CDK11A: variants seen among roughly 807,000 people sequenced by gnomAD.
CDK11A encodes the protein cyclin dependent kinase 11A, also known as cyclin-dependent kinase 11A.
In CDK11A, 55 loss-of-function variants were observed where a neutral mutation model predicts 83.6. The observed-to-expected ratio is 0.66, with a 90% confidence interval of 0.53 to 0.82. The LOEUF (loss-of-function observed/expected upper bound fraction) is 0.82. Ranked by LOEUF, CDK11A falls within the 40% of genes least tolerant of loss-of-function variation. The pLI is 0.00. For missense variants in CDK11A, 564 were observed against 810.1 expected (o/e 0.70, Z 3.69); for synonymous variants, 247 against 302.7 (o/e 0.82, Z 1.91).
At chr1:1,721,993 T>A in intron 2 of CDK11A, 1 of 284,758 alleles carries the variant, frequency 3.5e-6, no homozygotes, top group Non-Finnish European at 6.8e-6. Flanking sequence ...CTACTAAAAA[T>A]ACAAAAAATT....
rs769000712 is a variant in CDK11A, at chr1:1,716,326, A to C, written c.488+20T>G. On this transcript the variant is annotated intron_variant, in intron 5 of 19. Transcript: ENST00000404249. ...ACCACGGCCCTTTCATAAAGTCCTCAACTGACCCAGCCCACTCACCTTTCT... is the reference window on the plus strand; with the variant it reads ...ACCACGGCCCTTTCATAAAGTCCTCCACTGACCCAGCCCACTCACCTTTCT... 2 of 1,607,082 alleles carry C rather than the reference A, an allele frequency of 1.2e-6. No individual in the cohort carries two copies. The highest frequency in any genetic ancestry group is 2.2e-5 in the South Asian group (2 of 90,640).
chr1:1,720,786 C>T lies in CDK11A; in HGVS notation c.227+810G>A, dbSNP rs1490064742. ...GGCTCACTGCAACCTTTGCCTCCCA[C>T]ATTCAAGCAATTCTCCTGCCTCAGC... On this transcript the variant is annotated intron_variant, in intron 3 of 19. Transcript: ENST00000404249. Among the ~76,000 whole-genome samples, 7 of 146,084 alleles carry T rather than the reference C, an allele frequency of 4.8e-5. 1 individual carries two copies. Among genetic ancestry groups the T allele is most frequent in the East Asian group, 2.1e-4 (1 of 4,818 alleles).
At chr1:1,719,677 G>A (rs1373083314) in intron 3 of CDK11A, among the ~76,000 whole-genome samples, 3 of 134,896 alleles carry the variant, frequency 2.2e-5, no homozygotes, top group East Asian at 2.2e-4. Context: ...GTGTAGACAC[G>A]CGATCTCGGA....
rs558327955 is a variant in CDK11A at position 1,705,169 on chromosome 1, G to T, written c.1337-144C>A. The T allele has an allele frequency of 1.7e-4, 223 of 1,287,616 alleles. 13 individuals carry two copies. In the East Asian group the frequency reaches 5.0e-3, roughly 29 times the overall value. The allele number at this position is 1,287,616 out of a possible 1,614,324, so 79.8% of individuals were successfully genotyped here. A position where few individuals can be genotyped will look rare whatever the true frequency, so the allele number is the denominator to read the frequency against. ...TCTCGTTCTAGGTGGGGGCACGTGG[G>T]CACCAGGAGAACGCCCCAGCTGAGG... is the stretch of plus-strand genomic sequence containing the variant. On this transcript the variant is annotated intron_variant, in intron 12 of 19. Coordinates refer to ENST00000404249, the MANE Select transcript of CDK11A (RefSeq NM_024011.4).
rs1336369850 is a variant in CDK11A at position 1,716,446 on chromosome 1, C to T, written c.388G>A (p.Glu130Lys). The change falls in exon 5 of 20, where the codon GAA (glutamate) becomes AAA (lysine). Residue 130 changes from glutamate to lysine, a missense_variant. Transcript: ENST00000404249. Reference sequence around the variant, plus strand: ...TCTTCTCGATGTCGTTTCCGACGTTCGTGCTCTCTTTCTTTCACTCTAGCA... The same window carrying T: ...TCTTCTCGATGTCGTTTCCGACGTTTGTGCTCTCTTTCTTTCACTCTAGCA... ...KHARVKEREHERRKRHREEQD... is the reference protein window; with the variant it reads ...KHARVKEREHKRRKRHREEQD... The T allele has an allele frequency of 6.2e-6, 10 of 1,608,594 alleles. No homozygotes were observed. Among genetic ancestry groups the T allele is most frequent in the Admixed American group, 1.7e-5 (1 of 59,732 alleles).
At chr1:1,718,271 G>C (rs1389417431) in intron 4 of CDK11A, among the ~76,000 whole-genome samples, 1 of 143,680 alleles carries the variant, frequency 7.0e-6, no homozygotes, top group Admixed American at 7.0e-5. Flanking sequence ...TGCTCTCTCT[G>C]GTTTTCGGTC....
rs1384751789 is a variant in CDK11A, at chr1:1,704,529, G to T, written c.1564+21C>A. On this transcript the variant is annotated intron_variant, in intron 14 of 19. Transcript: ENST00000404249. ...ACTGCCCCCACTTGTACGCAGACAG[G>T]ACCCCGGGGCGCGGCTGTACCTGGC... 2 of 1,602,184 alleles carry T rather than the reference G, an allele frequency of 1.2e-6. 1 individual carries two copies. Among genetic ancestry groups the T allele is most frequent in the African/African-American group, 2.7e-5 (2 of 74,108 alleles).
chr1:1,703,766 C>G lies in CDK11A; in HGVS notation c.1911+58G>C, dbSNP rs534440076. ...AACCCAGCACCTGTGCGCCCCGCAG[C>G]CCCATTCCTGCAACTCCTCTGAAAT... On this transcript the variant is annotated intron_variant, in intron 17 of 19. Coordinates refer to ENST00000404249, the MANE Select transcript of CDK11A (RefSeq NM_024011.4). 60 of 1,597,618 alleles carry G rather than the reference C, an allele frequency of 3.8e-5. 4 individuals carry two copies. The African/African-American group carries it at 6.2e-4, about 16-fold the overall frequency.
chr1:1,704,051 C>A lies in CDK11A; in HGVS notation c.1782G>T (p.Leu594=). ...VTQWYRAPEL[L]LGAKEYSTAV... is the part of the protein sequence containing the mutation. ...GCCCAGGACTCACCTTGGCACCAAGCAGCAGCTCTGGGGCGCGGTACCACT... is the reference window on the plus strand; with the variant it reads ...GCCCAGGACTCACCTTGGCACCAAGAAGCAGCTCTGGGGCGCGGTACCACT... Residue 594 remains leucine (L), a synonymous_variant, in exon 16 of 20, where the codon CTG becomes CTT. Transcript: ENST00000404249. 5.6e-6 allele frequency: 9 copies of A among 1,595,676 alleles called. No homozygotes were observed. Among genetic ancestry groups the A allele is most frequent in the Non-Finnish European group, 7.7e-6 (9 of 1,168,780 alleles).
rs1309249068 is a variant in CDK11A at position 1,708,318 on chromosome 1, G to A, written c.1004-73C>T. 25 of 1,422,284 alleles carry A rather than the reference G, an allele frequency of 1.8e-5. 2 individuals are homozygous for A. The highest frequency in any genetic ancestry group is 3.9e-4 in the Middle Eastern group (2 of 5,146). 88.1% of individuals were successfully genotyped at this position (1,422,284 alleles called of 1,614,324 possible). On this transcript the variant is annotated intron_variant, in intron 9 of 19. Coordinates refer to ENST00000404249, the MANE Select transcript of CDK11A (RefSeq NM_024011.4). ...CTGCCACAGGCAGGATGCGGGCTCCGCTTCAGCTAAGCAACAAGTGTTCCC... is the reference window on the plus strand; with the variant it reads ...CTGCCACAGGCAGGATGCGGGCTCCACTTCAGCTAAGCAACAAGTGTTCCC...
intron 1 of CDK11A, among the ~76,000 whole-genome samples, chr1:1,723,488 CAAAAAAAAA>C (rs768913380): frequency 4.9e-4 from 10 of 20,612 alleles, no homozygotes; most frequent in Admixed American, 1.1e-3. Context: ...GACCCCGTCT[CAAAAAAAAA>C]AAAAAAAAAA....
intron 3 of CDK11A, among the ~76,000 whole-genome samples, chr1:1,720,203 T>C (rs1323565751): frequency 6.7e-6 from 1 of 149,648 alleles, no homozygotes; most frequent in Non-Finnish European, 1.5e-5. Context: ...CATGCCATTC[T>C]CCTGCCTCAG....
chr1:1,718,560 C>T lies in CDK11A; in HGVS notation c.355+768G>A, dbSNP rs1409261531. Among the ~76,000 whole-genome samples, 3 of 150,924 alleles carry T rather than the reference C, an allele frequency of 2.0e-5. 1 individual carries two copies. The highest frequency in any genetic ancestry group is 7.3e-5 in the African/African-American group (3 of 41,068). On this transcript the variant is annotated intron_variant, in intron 4 of 19. Coordinates refer to ENST00000404249, the MANE Select transcript of CDK11A (RefSeq NM_024011.4). ...TCTGGTTTTCGGTCTGTGACACACG[C>T]ACGCTTTCAGCTAGAGTATTCTCTC...
chr1:1,719,549 G>C, intron 3 of CDK11A, 94 bp from the exon 4 acceptor site: 1 of 945,884 alleles, frequency 1.1e-6, no homozygotes. Flanking sequence ...AAAAATGCAT[G>C]ATTCAGATAG....
rs79024828 is a variant in CDK11A at position 1,718,931 on chromosome 1, C to T, written c.355+397G>A. ...GATTACAGGCTTGAGCCACCACGCC[C>T]GGCCTTCAGCTAGAGTATTCTCTCT... On this transcript the variant is annotated intron_variant, in intron 4 of 19. Coordinates refer to ENST00000404249, the MANE Select transcript of CDK11A (RefSeq NM_024011.4). 6.7e-3 allele frequency among the ~76,000 whole-genome samples: 1,009 copies of T among 149,836 alleles called. 72 individuals are homozygous for T. In the East Asian group the frequency reaches 0.12, roughly 18 times the overall value.
rs2101329229 is a variant in CDK11A, at chr1:1,719,605, C to T, written c.228-150G>A. The T allele has an allele frequency of 1.3e-5, 4 of 312,514 alleles. 1 individual carries two copies. The highest frequency in any genetic ancestry group is 1.5e-4 in the South Asian group (2 of 13,004). The allele number at this position is 312,514 out of a possible 1,614,324, so 19.4% of individuals were successfully genotyped here. A position where few individuals can be genotyped will look rare whatever the true frequency, so the allele number is the denominator to read the frequency against. ...TTAAAAAATTACATTAATTCTCCAA[C>T]TTCAGGCATCTTTTTTTTTTTTTTT... On this transcript the variant is annotated intron_variant, in intron 3 of 19. Transcript: ENST00000404249.
intron 3 of CDK11A, among the ~76,000 whole-genome samples, chr1:1,720,150 GTGGCGAGACTCTCGGCTCA>G (rs1414171192): frequency 6.6e-6 from 1 of 150,536 alleles, no homozygotes; most frequent in Non-Finnish European, 1.5e-5. Context: ...CTGGAGGGCA[GTGGCGAGACTCTCGGCTCA>G]CTACAAGCTC....
Position 1,704,951 on chromosome 1 carries a change from T to G in CDK11A, c.1411A>C (p.Ile471Leu). The G allele has an allele frequency of 6.3e-7, 1 of 1,597,994 alleles. No individual in the cohort carries two copies. The highest frequency in any genetic ancestry group is 8.5e-7 in the Non-Finnish European group (1 of 1,173,164). Residue 471 changes from isoleucine (I) to leucine (L), a missense_variant, in exon 13 of 20, where the codon ATC becomes CTC. Around this residue, in one of 5 missense-constraint regions of CDK11A, gnomAD observed 361 missense variants for 402.7 expected, o/e 0.90. Transcript: ENST00000404249. Reference protein sequence around the residue: ...EGFPITSLREINTILKAQHPN... With the variant: ...EGFPITSLRELNTILKAQHPN... Reference sequence around the variant, plus strand: ...TGCTGGGCCTTGAGGATGGTGTTGATCTCCCTCAGGGACGTGATCGGGAAG... The same window carrying G: ...TGCTGGGCCTTGAGGATGGTGTTGAGCTCCCTCAGGGACGTGATCGGGAAG...
At chr1:1,716,050 G>A (rs574251226) in intron 5 of CDK11A, among the ~76,000 whole-genome samples, 4 of 150,628 alleles carry the variant, frequency 2.7e-5, no homozygotes, top group African/African-American at 7.3e-5. Flanking sequence ...CCTCAGCCTC[G>A]TAAGTGCTGG....
Sources: gnomAD v4.1 joint callset for allele counts (sites outside exome capture counted in the v4.1 genomes callset) on GRCh38, gnomAD v4.1.1 for gene constraint, gnomAD v4.1.1 regional missense constraint, MANE v1.5 for transcripts, NCBI Gene and HGNC (gene_info 2026-07-23, HGNC 2026-07-21) for gene names.